The following YJU2 variants were observed in gnomAD, a reference collection of about 807,000 sequenced individuals.
YJU2 encodes splicing factor YJU2.
A neutral mutation model predicts 39.6 loss-of-function variants in YJU2; 28 were observed. That is an observed-to-expected ratio of 0.71 (90% CI 0.52 to 0.97). The LOEUF (loss-of-function observed/expected upper bound fraction) is 0.97, where lower values mean the gene tolerates loss of function less well. Among genes scored for constraint, YJU2 ranks in the 50% least tolerant of loss-of-function variants. The probability of loss-of-function intolerance (pLI) is 0.00; values close to 1 mark genes in which losing one functional copy is unlikely to be tolerated. For synonymous variants in YJU2, 184 were observed against 182.4 expected, an observed-to-expected ratio of 1.01 and a Z score of -0.07; for missense variants, 328 against 430.4, an observed-to-expected ratio of 0.76 and a Z score of 2.11.
chr19:4,268,737 C>A lies in YJU2; in HGVS notation c.*41C>A. Reference sequence around the variant, plus strand: ...CCTCACGGGGTCAAAGTCACACGTCCAGCTTCAGCCACATTGAGGCCAGCA... The same window carrying A: ...CCTCACGGGGTCAAAGTCACACGTCAAGCTTCAGCCACATTGAGGCCAGCA... On this transcript the variant is annotated 3_prime_UTR_variant, in exon 8 of 8. Coordinates refer to ENST00000262962, the MANE Select transcript of YJU2 (RefSeq NM_018074.6). The A allele has an allele frequency of 7.1e-7, 1 of 1,406,852 alleles. No homozygotes were observed. Among genetic ancestry groups the A allele is most frequent in the Non-Finnish European group, 9.9e-7 (1 of 1,005,564 alleles). 87.1% of individuals were successfully genotyped at this position (1,406,852 alleles called of 1,614,324 possible).
chr19:4,251,237 G>C, intron 3 of YJU2, 66 bp downstream of exon 3: 2 of 1,520,896 alleles, frequency 1.3e-6, no homozygotes, highest in Non-Finnish European at 1.8e-6. Context: ...GGCGGGCCCT[G>C]GGGTTCCTTA....
rs201485169 is a variant in YJU2, at chr19:4,249,695, ACTTT to A, written c.125+380_125+383del. On this transcript the variant is annotated intron_variant, in intron 2 of 7. Coordinates refer to ENST00000262962, the MANE Select transcript of YJU2 (RefSeq NM_018074.6). The stretch of plus-strand genomic sequence containing the variant: ...CCCCTGCTTGGAACTCTCTCCCTCT[ACTTT>A]CTTTCTTTCTTTTTTTTTTTTTGTT... Among the ~76,000 whole-genome samples, 866 of 144,902 alleles carry A rather than the reference ACTTT, an allele frequency of 6.0e-3. 10 individuals are homozygous for A. The highest frequency in any genetic ancestry group is 0.021 in the African/African-American group (810 of 39,294).
intron 1 of YJU2, among the ~76,000 whole-genome samples, chr19:4,247,657 GTGTGTGTGTGTGT>G (rs1970940748): frequency 1.7e-4 from 12 of 71,306 alleles, no homozygotes; most frequent in East Asian, 4.6e-4. Flanking sequence ...GTGTGTGTGT[GTGTGTGTGTGTGT>G]GTGTGTGTGT....
intron 7 of YJU2, 139 bp from the exon 8 acceptor site, chr19:4,268,445 G>A (rs773692376): frequency 6.5e-6 from 4 of 613,404 alleles, no homozygotes; most frequent in Non-Finnish European, 1.2e-5. Context: ...GTCCCATCAG[G>A]TGCCATCCAG....
chr19:4,252,784 G>A (rs1387264779), intron 3 of YJU2, among the ~76,000 whole-genome samples: 1 of 151,684 alleles, frequency 6.6e-6, no homozygotes. Context: ...AAATTAGCTG[G>A]GCATGATGGC....
At chr19:4,261,214 A>G (rs1208540966) in intron 5 of YJU2, among the ~76,000 whole-genome samples, 1 of 152,166 alleles carries the variant, frequency 6.6e-6, no homozygotes, top group African/African-American at 2.4e-5. Context: ...TTTCTAAAAG[A>G]CATTTTCTTT....
At chr19:4,249,721 T>G (rs1461026368) in intron 2 of YJU2, among the ~76,000 whole-genome samples, 1 of 151,640 alleles carries the variant, frequency 6.6e-6, no homozygotes, top group East Asian at 1.9e-4. Flanking sequence ...TTTTTTTTTT[T>G]GTTGAGACAG....
intron 6 of YJU2, among the ~76,000 whole-genome samples, chr19:4,266,362 T>G (rs1479878739): frequency 6.6e-6 from 1 of 152,158 alleles, no homozygotes; most frequent in Non-Finnish European, 1.5e-5. Flanking sequence ...TAGCCTGCCC[T>G]GGCACTTCCT....
intron 6 of YJU2, 133 bp downstream of exon 6, chr19:4,262,247 G>A: frequency 2.2e-6 from 2 of 899,242 alleles, no homozygotes; most frequent in Non-Finnish European, 3.3e-6. Context: ...CGCCTAGGCT[G>A]GAGTGCAGTG....
At chr19:4,260,169 C>T (rs1045219632) in intron 5 of YJU2, among the ~76,000 whole-genome samples, 2 of 152,190 alleles carry the variant, frequency 1.3e-5, no homozygotes, top group African/African-American at 2.4e-5. Context: ...TCCTGCCTGC[C>T]ATCCTGCACT....
At chr19:4,259,483 GT>G (rs1460981325) in intron 5 of YJU2, among the ~76,000 whole-genome samples, 2 of 151,978 alleles carry the variant, frequency 1.3e-5, no homozygotes, top group Non-Finnish European at 2.9e-5. Context: ...GGGCTCAAGC[GT>G]TCCTCCTGCC....
intron 3 of YJU2, among the ~76,000 whole-genome samples, chr19:4,252,889 A>G (rs1046249290): frequency 6.6e-6 from 1 of 152,042 alleles, no homozygotes; most frequent in Non-Finnish European, 1.5e-5. Context: ...TTTCACTGCT[A>G]TACTCCAGCC....
At chr19:4,258,060 C>A (rs1261526740) in intron 4 of YJU2, among the ~76,000 whole-genome samples, 182 bp from the exon 5 acceptor site, 1 of 152,226 alleles carries the variant, frequency 6.6e-6, no homozygotes, top group Non-Finnish European at 1.5e-5. Context: ...CCTCCCCAGA[C>A]CTGAGTGTTC....
intron 3 of YJU2, 66 bp downstream of exon 3, chr19:4,251,237 G>A: frequency 6.6e-7 from 1 of 1,520,898 alleles, no homozygotes; most frequent in South Asian, 1.1e-5. Context: ...GGCGGGCCCT[G>A]GGGTTCCTTA....
intron 6 of YJU2, among the ~76,000 whole-genome samples, chr19:4,263,805 A>G (rs11673620): frequency 0.32 from 41,779 of 129,936 alleles, 6,533 homozygotes; most frequent in East Asian, 0.5. Context: ...GTGAGACTCT[A>G]TCTCAAAAAA....
Position 4,254,499 on chromosome 19 carries a change from G to A in YJU2, c.405+10G>A, listed in dbSNP as rs756933732. ...GAACAACCCCATGAAGGTGAGTCGG[G>A]GGCCATGTAGGTGTTCATGGGCGCT... On this transcript the variant is annotated intron_variant, in intron 4 of 7. Coordinates refer to ENST00000262962, the MANE Select transcript of YJU2 (RefSeq NM_018074.6). 5.5e-5 allele frequency: 87 copies of A among 1,573,258 alleles called. No homozygotes were observed. The highest frequency in any genetic ancestry group is 7.1e-5 in the Non-Finnish European group (82 of 1,157,936).
At chr19:4,260,027 C>A (rs1171432154) in intron 5 of YJU2, among the ~76,000 whole-genome samples, 4 of 152,090 alleles carry the variant, frequency 2.6e-5, no homozygotes, top group East Asian at 1.9e-4. Context: ...CAGGCATGAG[C>A]CCCACCAAGG....
intron 2 of YJU2, among the ~76,000 whole-genome samples, chr19:4,249,870 C>G (rs377273393): frequency 6.6e-6 from 1 of 152,112 alleles, no homozygotes; most frequent in East Asian, 1.9e-4. Flanking sequence ...CCACGCCCGG[C>G]TAATTTTTGT....
intron 7 of YJU2, among the ~76,000 whole-genome samples, 177 bp from the exon 8 acceptor site, chr19:4,268,407 C>T (rs898447310): frequency 1.3e-5 from 2 of 152,188 alleles, no homozygotes; most frequent in African/African-American, 2.4e-5. Context: ...TGTTGAGTCC[C>T]GGGTGTGCAG....
Sources: gnomAD v4.1 joint callset for allele counts (sites outside exome capture counted in the v4.1 genomes callset) on GRCh38, gnomAD v4.1.1 for gene constraint, MANE v1.5 for transcripts, NCBI Gene and HGNC (gene_info 2026-07-23, HGNC 2026-07-21) for gene names.